Variants in VPS8 observed in about 807,000 individuals in gnomAD.
VPS8 encodes the protein VPS8 subunit of CORVET complex.
Under a neutral mutation model 216.4 loss-of-function variants are expected in VPS8, and 129 were observed. The ratio of observed to expected loss-of-function variants is 0.60; its 90% CI spans 0.52 to 0.69. The LOEUF is 0.69. Among genes scored for constraint, VPS8 ranks in the 30% least tolerant of loss-of-function variants. The pLI is 0.00. For synonymous variants in VPS8, 571 were observed against 565.4 expected (o/e 1.01, Z -0.14); for missense variants, 1,531 against 1,683.5 (o/e 0.91, Z 1.59).
intron 37 of VPS8, among the ~76,000 whole-genome samples, chr3:184,962,367 G>T (rs182051412): frequency 1.1e-3 from 168 of 152,264 alleles, no homozygotes; most frequent in African/African-American, 3.9e-3. Flanking sequence ...ATTCTCATCA[G>T]CAGTGTCTGA....
chr3:184,944,527 A>G lies in VPS8; in HGVS notation c.3035+4284A>G, dbSNP rs1743330106. On this transcript the variant is annotated intron_variant, in intron 36 of 47. Transcript: ENST00000625842. ...CTTATGCAGTGGGGATGCTTAAAGG[A>G]TAATACAAAAGGACACGTGTTTTTT... 4.1e-6 allele frequency: 4 copies of G among 985,306 alleles called. No individual in the cohort carries two copies. The Admixed American group carries it at 2.5e-4, about 61-fold the overall frequency. The allele number at this position is 985,306 out of a possible 1,614,324, so 61.0% of individuals were successfully genotyped here. A position where few individuals can be genotyped will look rare whatever the true frequency, so the allele number is the denominator to read the frequency against.
intron 1 of VPS8, among the ~76,000 whole-genome samples, chr3:184,814,929 T>C (rs1715984928): frequency 1.3e-5 from 2 of 152,262 alleles, no homozygotes; most frequent in African/African-American, 4.8e-5. Context: ...ACAAACACAT[T>C]GTACAATTAG....
rs574174076 is a variant in VPS8, at chr3:184,949,799, TCA to T, written c.3036-7572_3036-7571del. On this transcript the variant is annotated intron_variant, in intron 36 of 47. Transcript: ENST00000625842. ...AAGGATTACATTTGGCATTTTTAAC[TCA>T]CAATGTGTATGGAAAGCTGAAAGTT... 7.2e-5 allele frequency among the ~76,000 whole-genome samples: 11 copies of T among 152,320 alleles called. No individual in the cohort carries two copies. The South Asian group carries it at 2.3e-3, about 32-fold the overall frequency.
chr3:184,865,769 C>T (rs1418149625), intron 16 of VPS8, among the ~76,000 whole-genome samples: 1 of 152,146 alleles, frequency 6.6e-6, no homozygotes, highest in Non-Finnish European at 1.5e-5. Context: ...GGGAGGATCA[C>T]CTGAGGTCAG....
intron 15 of VPS8, 116 bp from the exon 16 acceptor site, chr3:184,862,781 T>C: frequency 9.5e-7 from 1 of 1,056,704 alleles, no homozygotes; most frequent in South Asian, 1.6e-5. Context: ...CCATGTAAAT[T>C]GTTAAATGGA....
In VPS8 at chr3:184,894,722, A is replaced by C; in HGVS notation, c.1801A>C (p.Met601Leu). Residue 601 changes from methionine (M) to leucine (L), a missense_variant, in exon 23 of 48, where the codon ATG becomes CTG. This residue lies in a region of VPS8 where 1,318 missense variants were observed against 1,468.4 expected (regional missense o/e 0.90). Coordinates refer to ENST00000625842, the MANE Select transcript of VPS8 (RefSeq NM_001009921.3). ...TTACAGGGATCTTTTATTTAGTCAG[A>C]TGTATGATAAATTAAGTGAGAATTC... ...LQRKDLLFSQ[M>L]YDKLSENSVA... 6.2e-7 allele frequency: 1 copy of C among 1,602,832 alleles called. No individual in the cohort carries two copies.
At chr3:184,862,117 CA>C (rs1726492587) in intron 15 of VPS8, among the ~76,000 whole-genome samples, 1 of 152,068 alleles carries the variant, frequency 6.6e-6, no homozygotes, top group Non-Finnish European at 1.5e-5. Flanking sequence ...ATAGAACATA[CA>C]AATACACCAG....
intron 22 of VPS8, among the ~76,000 whole-genome samples, 191 bp from the exon 23 acceptor site, chr3:184,894,512 A>ATATATATATATATATATACACACG (rs1239165107): frequency 4.5e-5 from 6 of 132,624 alleles, no homozygotes; most frequent in Non-Finnish European, 8.1e-5. Flanking sequence ...ACACACGTAT[A>ATATATATATATATATATACACACG]TATATATATA....
intron 46 of VPS8, among the ~76,000 whole-genome samples, chr3:185,027,235 C>CTTTTTTTTTTT (rs893256183): frequency 1.4e-4 from 12 of 87,726 alleles, no homozygotes; most frequent in Non-Finnish European, 1.7e-4. Flanking sequence ...TTTTTATGTT[C>CTTTTTTTTTTT]TTTTTTTTTT....
At position 184,855,734 on chromosome 3, in the gene VPS8, G is replaced by C; in HGVS notation, c.1059G>C (p.Leu353=). 1 of 1,613,154 alleles carries C rather than the reference G, an allele frequency of 6.2e-7. No homozygotes were observed. Among genetic ancestry groups the C allele is most frequent in the South Asian group, 1.1e-5 (1 of 90,950 alleles). The stretch of plus-strand genomic sequence containing the variant: ...AGATGGATCCTTCCAGTGTGCCACT[G>C]CTGGCCTGGCACTTTGTAGCAGTAC... ...YGRMDPSSVP[L]LAWHFVAVQN... Residue 353 remains leucine, a synonymous_variant, in exon 14 of 48, where the codon CTG becomes CTC. Coordinates refer to ENST00000625842, the MANE Select transcript of VPS8 (RefSeq NM_001009921.3).
chr3:184,933,719 A>G (rs78672153), intron 34 of VPS8, among the ~76,000 whole-genome samples: 1,762 of 152,226 alleles, frequency 0.012, 39 homozygotes, highest in African/African-American at 0.04. Flanking sequence ...CCCAGCAGCA[A>G]TTATTTTTAA....
intron 40 of VPS8, among the ~76,000 whole-genome samples, chr3:184,974,377 A>G (rs1399918992): frequency 2.0e-5 from 3 of 152,104 alleles, no homozygotes; most frequent in Non-Finnish European, 4.4e-5. Context: ...GTCTATTCAT[A>G]TGCTTTGCCC....
chr3:184,971,937 G>A (rs141401889), intron 40 of VPS8, among the ~76,000 whole-genome samples, 185 bp downstream of exon 40: 6,140 of 152,186 alleles, frequency 0.04, 187 homozygotes, highest in Non-Finnish European at 0.065. Flanking sequence ...TTAGCCGGGC[G>A]TGGTGGCACA....
intron 45 of VPS8, among the ~76,000 whole-genome samples, chr3:185,015,338 T>C (rs1295987496): frequency 2.6e-5 from 4 of 152,210 alleles, no homozygotes; most frequent in Non-Finnish European, 2.9e-5. Context: ...CTGTTTGCAA[T>C]TGGGTAAATA....
chr3:184,894,118 TTTC>T lies in VPS8; in HGVS notation c.1782-575_1782-573del, dbSNP rs200603444. On this transcript the variant is annotated intron_variant, in intron 22 of 47. Transcript: ENST00000625842. Reference sequence around the variant, plus strand: ...TATATTTTAAGGATTAAACATTTTTTTTCTTCTTCTTCCATGAATAATCACTAG... The same window carrying T: ...TATATTTTAAGGATTAAACATTTTTTTTCTTCTTCCATGAATAATCACTAG... Among the ~76,000 whole-genome samples, 742 of 152,312 alleles carry T rather than the reference TTTC, an allele frequency of 4.9e-3. 7 individuals carry two copies. The highest frequency in any genetic ancestry group is 0.017 in the African/African-American group (694 of 41,564).
chr3:184,900,721 G>A (rs896904663), intron 24 of VPS8, among the ~76,000 whole-genome samples, 200 bp from the exon 25 acceptor site: 3 of 151,694 alleles, frequency 2.0e-5, no homozygotes, highest in Non-Finnish European at 2.9e-5. Context: ...GATTTTTTTC[G>A]GTGAGGAATA....
chr3:184,874,312 T>A (rs946218464), intron 21 of VPS8, among the ~76,000 whole-genome samples: 5 of 152,208 alleles, frequency 3.3e-5, no homozygotes, highest in Non-Finnish European at 5.9e-5. Context: ...TAGTAAATAG[T>A]AAATAGATTT....
intron 46 of VPS8, among the ~76,000 whole-genome samples, chr3:185,040,044 A>G (rs1317927576): frequency 6.6e-6 from 1 of 152,156 alleles, no homozygotes; most frequent in African/African-American, 2.4e-5. Flanking sequence ...GGGAAGTACC[A>G]GGCTCTTTTA....
chr3:184,868,004 T>C lies in VPS8; in HGVS notation c.1471-20T>C, dbSNP rs1560455306. On this transcript the variant is annotated intron_variant, in intron 17 of 47. Transcript: ENST00000625842. The stretch of plus-strand genomic sequence containing the variant: ...TCTGTTAAGGGTGATCATTTTAATT[T>C]CCATCTCTTTACTTTCCAGTCTGTT... 1.2e-6 allele frequency: 2 copies of C among 1,612,374 alleles called. No individual in the cohort carries two copies. Among genetic ancestry groups the C allele is most frequent in the Non-Finnish European group, 8.5e-7 (1 of 1,179,516 alleles).
Sources: allele counts gnomAD v4.1 joint callset (sites outside exome capture counted in the v4.1 genomes callset), GRCh38; gene constraint gnomAD v4.1.1; regional missense constraint gnomAD v4.1.1; transcripts MANE v1.5; gene names NCBI Gene and HGNC (gene_info 2026-07-23, HGNC 2026-07-21).